Variants in PDE9A observed in about 807,000 individuals in gnomAD.
The protein encoded by PDE9A is high affinity cGMP-specific 3',5'-cyclic phosphodiesterase 9A.
A neutral mutation model predicts 87.4 loss-of-function variants in PDE9A; 60 were observed. That is an observed-to-expected ratio of 0.69 (90% CI 0.56 to 0.85). The LOEUF is 0.85. Ranked by LOEUF, PDE9A falls within the 40% of genes least tolerant of loss-of-function variation. The probability of loss-of-function intolerance (pLI) is 0.00; values close to 1 mark genes in which losing one functional copy is unlikely to be tolerated. For synonymous variants in PDE9A, 272 were observed against 279.4 expected (o/e 0.97, Z 0.27); for missense variants, 665 against 779.0 (o/e 0.85, Z 1.74).
intron 4 of PDE9A, among the ~76,000 whole-genome samples, chr21:42,710,180 G>C (rs566128061): frequency 6.6e-6 from 1 of 152,084 alleles, no homozygotes; most frequent in African/African-American, 2.4e-5. Context: ...GGCCGAGGCG[G>C]GCGGATCACT....
intron 10 of PDE9A, among the ~76,000 whole-genome samples, chr21:42,754,828 T>C (rs2054853161): frequency 6.6e-6 from 1 of 152,196 alleles, no homozygotes; most frequent in African/African-American, 2.4e-5. Flanking sequence ...TTCTCCATGA[T>C]TGTGAGGCCT....
At chr21:42,674,738 C>A (rs1452348395) in intron 1 of PDE9A, among the ~76,000 whole-genome samples, 1 of 152,238 alleles carries the variant, frequency 6.6e-6, no homozygotes, top group East Asian at 1.9e-4. Flanking sequence ...GACACACACT[C>A]TTTACATGCC....
At chr21:42,662,757 A>C (rs960565846) in intron 1 of PDE9A, among the ~76,000 whole-genome samples, 1 of 137,906 alleles carries the variant, frequency 7.3e-6, no homozygotes, top group African/African-American at 2.8e-5. Context: ...AAGAACGCAC[A>C]CCACACACAA....
chr21:42,748,824 T>A (rs951875981), intron 8 of PDE9A, among the ~76,000 whole-genome samples: 1 of 152,244 alleles, frequency 6.6e-6, no homozygotes, highest in South Asian at 2.1e-4. Context: ...AATCAAGCAC[T>A]CTTTTTAAAC....
intron 8 of PDE9A, among the ~76,000 whole-genome samples, chr21:42,745,497 A>G (rs529662728): frequency 6.6e-6 from 1 of 152,356 alleles, no homozygotes; most frequent in African/African-American, 2.4e-5. Flanking sequence ...TTTGTGAGCC[A>G]AGGAAGAGCT....
At chr21:42,725,724 G>A (rs923981801) in intron 4 of PDE9A, among the ~76,000 whole-genome samples, 6 of 152,240 alleles carry the variant, frequency 3.9e-5, no homozygotes, top group Admixed American at 6.5e-5. Context: ...GATGGACCAC[G>A]GTTGGTTCAA....
intron 4 of PDE9A, among the ~76,000 whole-genome samples, chr21:42,726,622 A>ATTTTTTTTT (rs1445924271): frequency 0.072 from 1,810 of 25,102 alleles, 81 homozygotes; most frequent in East Asian, 0.093. Flanking sequence ...ATATATATAT[A>ATTTTTTTTT]TATTTTTTTT....
At chr21:42,769,433 CACACATGT>C (rs1331882809) in intron 17 of PDE9A, among the ~76,000 whole-genome samples, 1 of 143,006 alleles carries the variant, frequency 7.0e-6, no homozygotes, top group African/African-American at 2.6e-5. Flanking sequence ...CACTCGTGCA[CACACATGT>C]ACACAGGCAC....
intron 10 of PDE9A, chr21:42,757,400 C>T (rs780990152): frequency 1.3e-5 from 2 of 152,358 alleles, no homozygotes; most frequent in Admixed American, 1.3e-4. Flanking sequence ...TCGCAAGCTT[C>T]GATTTACAAA....
intron 1 of PDE9A, among the ~76,000 whole-genome samples, chr21:42,679,092 G>A (rs1436355704): frequency 1.3e-5 from 2 of 152,212 alleles, no homozygotes; most frequent in African/African-American, 4.8e-5. Flanking sequence ...TCCAGGTCAC[G>A]AGGAGGGGAT....
At chr21:42,738,396 T>C (rs1226539685) in intron 7 of PDE9A, among the ~76,000 whole-genome samples, 1 of 152,226 alleles carries the variant, frequency 6.6e-6, no homozygotes, top group South Asian at 2.1e-4. Context: ...ACTAGCTCTG[T>C]AGCCAAAGGA....
At chr21:42,701,488 G>A (rs957936627) in intron 4 of PDE9A, among the ~76,000 whole-genome samples, 3 of 151,544 alleles carry the variant, frequency 2.0e-5, no homozygotes, top group Admixed American at 6.6e-5. Context: ...CCAGGCTGGA[G>A]TGCAGTGATG....
At chr21:42,719,719 T>C (rs2050300339) in intron 4 of PDE9A, among the ~76,000 whole-genome samples, 1 of 152,202 alleles carries the variant, frequency 6.6e-6, no homozygotes, top group African/African-American at 2.4e-5. Context: ...GATGTACTAT[T>C]GTGTATCCTA....
chr21:42,751,052 G>T lies in PDE9A; in HGVS notation c.654-64G>T, dbSNP rs570530050. 7 of 1,073,826 alleles carry T rather than the reference G, an allele frequency of 6.5e-6. 1 individual carries two copies. In the South Asian group the frequency reaches 8.7e-5, roughly 13 times the overall value. The allele number at this position is 1,073,826 out of a possible 1,614,324, so 66.5% of individuals were successfully genotyped here. A position where few individuals can be genotyped will look rare whatever the true frequency, so the allele number is the denominator to read the frequency against. On this transcript the variant is annotated intron_variant, in intron 8 of 19. Coordinates refer to ENST00000291539, the MANE Select transcript of PDE9A (RefSeq NM_002606.3). ...GTTGGGTTTGTCGCTTGCTTTTGCT[G>T]TGCTGAGGGCTTCACCAGACTGAAA...
chr21:42,755,355 A>T (rs2054917521), intron 10 of PDE9A, among the ~76,000 whole-genome samples: 1 of 152,154 alleles, frequency 6.6e-6, no homozygotes, highest in African/African-American at 2.4e-5. Context: ...GCAGGAGAAA[A>T]ACTGCAGCAC....
At chr21:42,688,773 T>C (rs943860036) in intron 3 of PDE9A, among the ~76,000 whole-genome samples, 5 of 152,200 alleles carry the variant, frequency 3.3e-5, no homozygotes, top group African/African-American at 1.2e-4. Flanking sequence ...ACTCAGTAGA[T>C]GCGATGGTAC....
intron 7 of PDE9A, among the ~76,000 whole-genome samples, chr21:42,740,512 G>A (rs966866768): frequency 9.9e-5 from 15 of 151,582 alleles, no homozygotes; most frequent in South Asian, 4.2e-4. Context: ...GAGATAGAAC[G>A]GATAGAAAAA....
rs536818775 is a variant in PDE9A, at chr21:42,711,923, T to G, written c.262+12912T>G. On this transcript the variant is annotated intron_variant, in intron 4 of 19. Coordinates refer to ENST00000291539, the MANE Select transcript of PDE9A (RefSeq NM_002606.3). ...TCTGCTTCATTGATCTATTTGTCTA[T>G]CCTCACACCAACACCACACTGGCTA... is the stretch of plus-strand genomic sequence containing the variant. 5.3e-5 allele frequency among the ~76,000 whole-genome samples: 8 copies of G among 152,296 alleles called. No homozygotes were observed. The South Asian group carries it at 1.7e-3, about 32-fold the overall frequency.
chr21:42,760,623 T>A lies in PDE9A; in HGVS notation c.1002+191T>A, dbSNP rs1330192653. ...CCATGGGCGAGGCTGCTCCTAGGAT[T>A]ACGAGAGCAGGTGAGTCCCCGACCT... is the stretch of plus-strand genomic sequence containing the variant. On this transcript the variant is annotated intron_variant, in intron 12 of 19. Transcript: ENST00000291539. The surrounding 1 kb of genome is among the most constrained non-coding windows in gnomAD (Gnocchi z 5.2). 1.3e-5 allele frequency among the ~76,000 whole-genome samples: 2 copies of A among 151,726 alleles called. No individual in the cohort carries two copies. Among genetic ancestry groups the A allele is most frequent in the African/African-American group, 4.8e-5 (2 of 41,270 alleles).
Sources: allele counts gnomAD v4.1 joint callset (sites outside exome capture counted in the v4.1 genomes callset), GRCh38; gene constraint gnomAD v4.1.1; non-coding constraint Gnocchi (gnomAD v3.1); transcripts MANE v1.5; gene names NCBI Gene and HGNC (gene_info 2026-07-23, HGNC 2026-07-21).